The following FRMD4A variants were observed in gnomAD, a reference collection of about 807,000 sequenced individuals.
FRMD4A encodes FERM domain containing 4A.
FRMD4A carries 29 observed loss-of-function variants against 129.1 expected under a neutral mutation model. The ratio of observed to expected loss-of-function variants is 0.22; its 90% CI spans 0.17 to 0.31. The LOEUF is 0.31. Ranked by LOEUF, FRMD4A falls within the 10% of genes least tolerant of loss-of-function variation. The pLI is 1.00. For synonymous variants in FRMD4A, 634 were observed against 571.6 expected (o/e 1.11, Z -1.56); for missense variants, 1,272 against 1,375.8 (o/e 0.92, Z 1.19).
chr10:13,921,185 T>A (rs1270331146), intron 2 of FRMD4A, among the ~76,000 whole-genome samples: 1 of 152,238 alleles, frequency 6.6e-6, no homozygotes, highest in Non-Finnish European at 1.5e-5. Context: ...AAGGGACCTC[T>A]CTGGGGCTTT....
intron 2 of FRMD4A, among the ~76,000 whole-genome samples, chr10:14,102,366 A>T (rs1837352612): frequency 6.6e-6 from 1 of 152,196 alleles, no homozygotes; most frequent in South Asian, 2.1e-4. Flanking sequence ...ATCTCTACTA[A>T]AAATACAAAA....
chr10:13,966,901 G>A (rs1407158924), intron 2 of FRMD4A, among the ~76,000 whole-genome samples: 1 of 152,200 alleles, frequency 6.6e-6, no homozygotes, highest in Non-Finnish European at 1.5e-5. Flanking sequence ...GCCATAAAAA[G>A]GAATGAATTA....
Position 13,884,134 on chromosome 10 carries a change from T to TCACA in FRMD4A, c.46-25226_46-25223dup, listed in dbSNP as rs1221469854. ...CACACACACACACTCACACACACGC[T>TCACA]CACACACACTCTCACACACTCTCAC... On this transcript the variant is annotated intron_variant, in intron 2 of 24. Coordinates refer to ENST00000357447, the MANE Select transcript of FRMD4A (RefSeq NM_018027.5). Among the ~76,000 whole-genome samples, 103 of 35,728 alleles carry TCACA rather than the reference T, an allele frequency of 2.9e-3. 3 individuals carry two copies. The highest frequency in any genetic ancestry group is 0.024 in the East Asian group (45 of 1,870). 23.4% of individuals were successfully genotyped at this position (35,728 alleles called of 152,430 possible).
intron 2 of FRMD4A, among the ~76,000 whole-genome samples, chr10:13,869,342 A>AT (rs2094413062): frequency 6.6e-6 from 1 of 152,204 alleles, no homozygotes; most frequent in Non-Finnish European, 1.5e-5. Flanking sequence ...GCTGAAGAGG[A>AT]ACTCCTACCC....
At chr10:13,785,989 T>C (rs2092849273) in intron 5 of FRMD4A, among the ~76,000 whole-genome samples, 1 of 152,322 alleles carries the variant, frequency 6.6e-6, no homozygotes, top group East Asian at 1.9e-4. Flanking sequence ...CCATGGTGTA[T>C]ATGTGCCACA....
intron 23 of FRMD4A, chr10:13,652,255 T>C: frequency 2.1e-6 from 1 of 473,360 alleles, no homozygotes; most frequent in Non-Finnish European, 3.8e-6. Flanking sequence ...AAAATTGCTG[T>C]TTTTCAAATT....
At chr10:13,881,827 T>C (rs773146319) in intron 2 of FRMD4A, among the ~76,000 whole-genome samples, 30 of 151,434 alleles carry the variant, frequency 2.0e-4, no homozygotes, top group Middle Eastern at 6.8e-3. Flanking sequence ...AGGAACTCGC[T>C]TCTGCTTGGA....
At position 13,940,273 on chromosome 10, in the gene FRMD4A, T is replaced by A. The variant is rs533336556; in HGVS notation, c.46-81361A>T. Reference sequence around the variant, plus strand: ...CAAGGTCACAGATTGGCTTTTCCCATGGGCAGTCAACTTCTTCAAGGCCTG... The same window carrying A: ...CAAGGTCACAGATTGGCTTTTCCCAAGGGCAGTCAACTTCTTCAAGGCCTG... On this transcript the variant is annotated intron_variant, in intron 2 of 24. Transcript: ENST00000357447. Among the ~76,000 whole-genome samples, 7 of 152,226 alleles carry A rather than the reference T, an allele frequency of 4.6e-5. No homozygotes were observed. In the East Asian group the frequency reaches 7.7e-4, roughly 17 times the overall value.
chr10:13,681,358 C>A (rs2084566117), intron 15 of FRMD4A, among the ~76,000 whole-genome samples: 1 of 152,136 alleles, frequency 6.6e-6, no homozygotes, highest in Non-Finnish European at 1.5e-5. Context: ...TTAATCTGAG[C>A]TGTCTCTGGG....
chr10:13,954,879 C>T (rs573694671), intron 2 of FRMD4A, among the ~76,000 whole-genome samples: 9 of 152,268 alleles, frequency 5.9e-5, no homozygotes, highest in South Asian at 2.1e-4. Flanking sequence ...TTTTAACTTG[C>T]GATGCATTAG....
intron 2 of FRMD4A, among the ~76,000 whole-genome samples, chr10:13,942,704 G>A (rs1461093576): frequency 6.6e-6 from 1 of 152,158 alleles, no homozygotes; most frequent in Non-Finnish European, 1.5e-5. Context: ...GGAGGCTGAG[G>A]CTGGCAGATC....
intron 23 of FRMD4A, chr10:13,653,765 C>T (rs942461645): frequency 1.3e-5 from 2 of 152,762 alleles, no homozygotes; most frequent in African/African-American, 2.4e-5. Flanking sequence ...AGGCGGGTTA[C>T]CTGTGTCTGC....
chr10:13,702,769 T>G (rs1192286933), intron 13 of FRMD4A, among the ~76,000 whole-genome samples: 1 of 152,146 alleles, frequency 6.6e-6, no homozygotes, highest in East Asian at 1.9e-4. Flanking sequence ...CAGCAATATC[T>G]TACTTTGGGC....
At chr10:13,704,116 T>C (rs1315940301) in intron 13 of FRMD4A, among the ~76,000 whole-genome samples, 1 of 152,190 alleles carries the variant, frequency 6.6e-6, no homozygotes, top group Non-Finnish European at 1.5e-5. Context: ...ACGTGGCTCA[T>C]GAATACGTGA....
intron 3 of FRMD4A, among the ~76,000 whole-genome samples, chr10:13,842,273 C>A (rs1049131466): frequency 6.6e-6 from 1 of 152,168 alleles, no homozygotes; most frequent in Non-Finnish European, 1.5e-5. Context: ...AGTCCATACA[C>A]GTGGGTTTGC....
At chr10:14,103,944 A>C (rs188768533) in intron 2 of FRMD4A, among the ~76,000 whole-genome samples, 5 of 152,378 alleles carry the variant, frequency 3.3e-5, no homozygotes, top group Admixed American at 3.3e-4. Flanking sequence ...ACGTACCGTC[A>C]GCGATTCCTA....
intron 2 of FRMD4A, among the ~76,000 whole-genome samples, chr10:14,072,602 G>A (rs753614897): frequency 3.9e-5 from 6 of 152,154 alleles, no homozygotes; most frequent in Non-Finnish European, 5.9e-5. Context: ...CCAGCAAGAT[G>A]TAAAGCAGGG....
chr10:14,114,713 T>A lies in FRMD4A; in HGVS notation c.45+215345A>T, dbSNP rs192438394. 3.9e-5 allele frequency among the ~76,000 whole-genome samples: 6 copies of A among 152,238 alleles called. No individual in the cohort carries two copies. In the East Asian group the frequency reaches 1.2e-3, roughly 29 times the overall value. The stretch of plus-strand genomic sequence containing the variant: ...AATGCCTCTTTGGGGTCAGCTGACA[T>A]TTTTTTGGAGAAATTTGAGAGGTAC... On this transcript the variant is annotated intron_variant, in intron 2 of 24. Transcript: ENST00000357447.
intron 2 of FRMD4A, among the ~76,000 whole-genome samples, chr10:14,152,119 T>C (rs1840368333): frequency 1.1e-4 from 10 of 93,186 alleles, no homozygotes; most frequent in Non-Finnish European, 1.9e-4. Flanking sequence ...GTGTAGTGCT[T>C]TTTTTTTTTT....
Sources: gnomAD v4.1 joint callset for allele counts (sites outside exome capture counted in the v4.1 genomes callset) on GRCh38, gnomAD v4.1.1 for gene constraint, MANE v1.5 for transcripts, NCBI Gene and HGNC (gene_info 2026-07-23, HGNC 2026-07-21) for gene names.